CALN1: variants seen among roughly 807,000 people sequenced by gnomAD.
CALN1 encodes calneuron 1, also known as calcium-binding protein 8.
Under a neutral mutation model 30.6 loss-of-function variants are expected in CALN1, and 17 were observed. The ratio of observed to expected loss-of-function variants is 0.56; its 90% confidence interval spans 0.38 to 0.83. The LOEUF (loss-of-function observed/expected upper bound fraction) is 0.83. CALN1 is among the 40% of genes least tolerant of loss of function. The pLI, the probability that CALN1 is intolerant of heterozygous loss-of-function variation, is 0.00. For missense variants in CALN1, 291 were observed against 354.9 expected (o/e 0.82, Z 1.45); for synonymous variants, 156 against 131.4 (o/e 1.19, Z -1.28).
chr7:71,790,368 AAAAGAAAGAAAGAAAG>A (rs66616944), intron 6 of CALN1, among the ~76,000 whole-genome samples: 2,203 of 123,646 alleles, frequency 0.018, 44 homozygotes, highest in Middle Eastern at 0.035. Context: ...AGAAAGAAAG[AAAAGAAAGAAAGAAAG>A]AAAGAAAGAA....
intron 2 of CALN1, among the ~76,000 whole-genome samples, chr7:72,350,595 G>A (rs111515123): frequency 0.025 from 3,805 of 152,148 alleles, 183 homozygotes; most frequent in African/African-American, 0.087. Flanking sequence ...ATATGGACAC[G>A]AGGAAGAGAA....
At chr7:71,897,972 C>CAAAAAA (rs1207497270) in intron 5 of CALN1, among the ~76,000 whole-genome samples, 34 of 59,032 alleles carry the variant, frequency 5.8e-4, no homozygotes, top group Middle Eastern at 0.019. Context: ...AAACAAAAAA[C>CAAAAAA]AAAAAAAAAA....
chr7:71,851,432 T>C (rs1259878643), intron 5 of CALN1, among the ~76,000 whole-genome samples: 4 of 151,650 alleles, frequency 2.6e-5, no homozygotes, highest in Non-Finnish European at 5.9e-5. Context: ...GGCACCAGAA[T>C]TGCTTGAATC....
chr7:72,415,310 CCTT>C (rs1807387735), upstream of CALN1, among the ~76,000 whole-genome samples: 1 of 152,222 alleles, frequency 6.6e-6, no homozygotes, highest in Non-Finnish European at 1.5e-5. Flanking sequence ...TGTATTTTCT[CCTT>C]CTTATAAAAC....
the CALN1 span, among the ~76,000 whole-genome samples, chr7:72,475,041 G>T: frequency 3.3e-5 from 5 of 152,146 alleles, no homozygotes; most frequent in Non-Finnish European, 5.9e-5. Flanking sequence ...TAGCAATTAT[G>T]GCATTCTTCC....
chr7:72,054,405 A>ATATATATACGTATATATATACACG (rs1803047479), intron 4 of CALN1, among the ~76,000 whole-genome samples: 2 of 25,668 alleles, frequency 7.8e-5, no homozygotes, highest in African/African-American at 6.4e-4. Context: ...ATATGTACAT[A>ATATATATACGTATATATATACACG]TATATATATA....
At chr7:72,180,395 G>C (rs968936098) in intron 3 of CALN1, among the ~76,000 whole-genome samples, 1 of 151,886 alleles carries the variant, frequency 6.6e-6, no homozygotes, top group Non-Finnish European at 1.5e-5. Context: ...TTCATCTCAT[G>C]GTTTCTTTCA....
intron 5 of CALN1, among the ~76,000 whole-genome samples, chr7:71,985,762 G>C (rs1234629252): frequency 6.6e-6 from 1 of 151,498 alleles, no homozygotes; most frequent in Non-Finnish European, 1.5e-5. Context: ...GCTAATTTTT[G>C]TATTTTTGAT....
intron 5 of CALN1, among the ~76,000 whole-genome samples, chr7:72,009,940 A>G (rs999463516): frequency 6.6e-6 from 1 of 152,210 alleles, no homozygotes; most frequent in African/African-American, 2.4e-5. Flanking sequence ...TACAGTAGGT[A>G]AGAGGTTAAT....
At position 72,069,578 on chromosome 7, in the gene CALN1, C is replaced by G. The variant is rs531864262; in HGVS notation, c.388+36573G>C. Among the ~76,000 whole-genome samples the G allele has an allele frequency of 7.9e-5, 12 of 152,286 alleles. No homozygotes were observed. In the East Asian group the frequency reaches 1.7e-3, roughly 22 times the overall value. On this transcript the variant is annotated intron_variant, in intron 4 of 6. Transcript: ENST00000395275. ...CCATCTTCACAAGGCCTTCTTTTCT[C>G]TGTGTGTCAAATCTCCCTGTGCCTC...
chr7:71,862,316 G>C (rs901693452), intron 5 of CALN1, among the ~76,000 whole-genome samples: 1 of 152,182 alleles, frequency 6.6e-6, no homozygotes, highest in Non-Finnish European at 1.5e-5. Flanking sequence ...ATCTTGAATT[G>C]TAGCTCCCAT....
At chr7:72,499,889 CTT>C in the CALN1 span, among the ~76,000 whole-genome samples, 16 of 46,100 alleles carry the variant, frequency 3.5e-4, 1 homozygote, top group African/African-American at 3.8e-4. Flanking sequence ...TTCTTTCTTT[CTT>C]TCTTTCTTTC....
intron 3 of CALN1, among the ~76,000 whole-genome samples, chr7:72,227,066 C>CA (rs1793733594): frequency 6.6e-6 from 1 of 151,510 alleles, no homozygotes; most frequent in Non-Finnish European, 1.5e-5. Context: ...AAGATGGGAA[C>CA]AATAGACATT....
At chr7:71,885,757 A>G (rs1441784016) in intron 5 of CALN1, among the ~76,000 whole-genome samples, 1 of 152,224 alleles carries the variant, frequency 6.6e-6, no homozygotes, top group Non-Finnish European at 1.5e-5. Context: ...GCTGACCACG[A>G]GCAGACAGAT....
the CALN1 span, among the ~76,000 whole-genome samples, chr7:72,499,770 TTTCTTTCCTTCC>T: frequency 1.2e-4 from 15 of 127,136 alleles, no homozygotes; most frequent in Non-Finnish European, 1.7e-4. Flanking sequence ...CAAAACTTTC[TTTCTTTCCTTCC>T]TTCCTTCCTT....
the CALN1 span, among the ~76,000 whole-genome samples, chr7:72,492,910 T>A: frequency 0.034 from 5,210 of 152,222 alleles, 268 homozygotes; most frequent in East Asian, 0.14. Context: ...GACTAACACA[T>A]TTGCAGAGAC....
At chr7:72,053,423 C>T (rs1186743972) in intron 4 of CALN1, among the ~76,000 whole-genome samples, 1 of 152,170 alleles carries the variant, frequency 6.6e-6, no homozygotes, top group Non-Finnish European at 1.5e-5. Context: ...AGAGCACATA[C>T]CCAGTAATGG....
At chr7:72,413,537 TCA>T (rs910473563), upstream of CALN1, among the ~76,000 whole-genome samples, 1 of 150,418 alleles carries the variant, frequency 6.6e-6, no homozygotes, top group African/African-American at 2.5e-5. Flanking sequence ...ACACGCACAC[TCA>T]CAAGCTCATA....
intron 3 of CALN1, among the ~76,000 whole-genome samples, chr7:72,115,175 G>C (rs978971881): frequency 1.2e-5 from 1 of 86,286 alleles, no homozygotes; most frequent in Non-Finnish European, 2.2e-5. Context: ...ATACTGTATA[G>C]TATATATTAT....
Sources: allele counts gnomAD v4.1 joint callset (sites outside exome capture counted in the v4.1 genomes callset), GRCh38; gene constraint gnomAD v4.1.1; transcripts MANE v1.5; gene names NCBI Gene and HGNC (gene_info 2026-07-23, HGNC 2026-07-21).